SAMD3: variants seen among roughly 807,000 people sequenced by gnomAD.
The protein encoded by SAMD3 is sterile alpha motif domain-containing protein 3.
A neutral mutation model predicts 58.5 loss-of-function variants in SAMD3; 63 were observed. The ratio of observed to expected loss-of-function variants is 1.08; its 90% CI spans 0.88 to 1.33. The LOEUF (loss-of-function observed/expected upper bound fraction) is 1.33. Ranked by LOEUF, SAMD3 falls within the 40% of genes most tolerant of loss-of-function variation. The pLI, the probability that SAMD3 is intolerant of heterozygous loss-of-function variation, is 0.00. For synonymous variants in SAMD3, 220 were observed against 210.3 expected, an observed-to-expected ratio of 1.05 and a Z score of -0.40; for missense variants, 604 against 608.4, an observed-to-expected ratio of 0.99 and a Z score of 0.08.
At chr6:130,352,829 A>G (rs1469161507) in intron 1 of SAMD3, among the ~76,000 whole-genome samples, 1 of 152,214 alleles carries the variant, frequency 6.6e-6, no homozygotes, top group African/African-American at 2.4e-5. Flanking sequence ...AAATTCTCAG[A>G]GCTCTTATAT....
chr6:130,243,433 A>C (rs1467421562), intron 2 of SAMD3, among the ~76,000 whole-genome samples: 1 of 152,160 alleles, frequency 6.6e-6, no homozygotes, highest in Non-Finnish European at 1.5e-5. Context: ...TACAAGACAG[A>C]GGGGAAGAGA....
chr6:130,234,937 A>G (rs1424195548), intron 2 of SAMD3, among the ~76,000 whole-genome samples: 1 of 152,058 alleles, frequency 6.6e-6, no homozygotes, highest in Non-Finnish European at 1.5e-5. Flanking sequence ...ACATAGGGAG[A>G]CCCTGTTTCT....
At chr6:130,359,569 T>C (rs983201736) in intron 1 of SAMD3, among the ~76,000 whole-genome samples, 1 of 152,236 alleles carries the variant, frequency 6.6e-6, no homozygotes. Context: ...CTGATGATCC[T>C]TATTTTATAT....
intron 5 of SAMD3, among the ~76,000 whole-genome samples, chr6:130,208,326 C>T (rs1220436967): frequency 6.6e-6 from 1 of 152,172 alleles, no homozygotes; most frequent in Non-Finnish European, 1.5e-5. Context: ...GTTATGGATG[C>T]ACGGATTGCC....
intron 9 of SAMD3, among the ~76,000 whole-genome samples, chr6:130,148,382 A>G (rs1015295998): frequency 6.6e-5 from 10 of 152,254 alleles, no homozygotes; most frequent in African/African-American, 1.9e-4. Context: ...CGCTTCAAAC[A>G]GACTGCCGTG....
chr6:130,332,404 T>A (rs919224598), intron 1 of SAMD3, among the ~76,000 whole-genome samples: 14 of 151,904 alleles, frequency 9.2e-5, no homozygotes, highest in African/African-American at 3.1e-4. Flanking sequence ...AAGGGAGGGG[T>A]TAGAGGTAAA....
At chr6:130,189,894 G>A (rs1028173569) in intron 5 of SAMD3, among the ~76,000 whole-genome samples, 1 of 152,220 alleles carries the variant, frequency 6.6e-6, no homozygotes, top group African/African-American at 2.4e-5. Context: ...CTTTGATGAG[G>A]TTCCCTTTTC....
At chr6:130,201,319 T>G (rs2326953) in intron 5 of SAMD3, among the ~76,000 whole-genome samples, 1 of 152,118 alleles carries the variant, frequency 6.6e-6, no homozygotes, top group African/African-American at 2.4e-5. Context: ...TTATAATTAC[T>G]TGTGGAACCT....
intron 2 of SAMD3, among the ~76,000 whole-genome samples, chr6:130,271,069 G>A (rs999891644): frequency 6.6e-6 from 1 of 151,474 alleles, no homozygotes; most frequent in African/African-American, 2.4e-5. Flanking sequence ...GCGCCATCTT[G>A]GTTCACTGCA....
At chr6:130,219,201 G>T (rs1339893540) in intron 1 of SAMD3, among the ~76,000 whole-genome samples, 1 of 151,992 alleles carries the variant, frequency 6.6e-6, no homozygotes, top group African/African-American at 2.4e-5. Context: ...CATACATCAC[G>T]GTCTGAAAGG....
intron 5 of SAMD3, among the ~76,000 whole-genome samples, chr6:130,202,685 C>T (rs1163116448): frequency 6.6e-6 from 1 of 152,198 alleles, no homozygotes; most frequent in African/African-American, 2.4e-5. Context: ...TAAGACTCCT[C>T]AAAGCCTACA....
intron 1 of SAMD3, among the ~76,000 whole-genome samples, chr6:130,338,321 G>C (rs1777163382): frequency 2.0e-5 from 3 of 152,236 alleles, no homozygotes; most frequent in Admixed American, 2.0e-4. Flanking sequence ...GAAATGTCTG[G>C]ATGTACAGGC....
At position 130,180,208 on chromosome 6, in the gene SAMD3, C is replaced by T. The variant is rs530184748; in HGVS notation, c.654+3895G>A. ...CAATCATAGCTCACTGCTGTCTCAA[C>T]CTCCTGGGCTCTAGTGGTCCTCCCA... On this transcript the variant is annotated intron_variant, in intron 7 of 11. Coordinates refer to ENST00000439090, the MANE Select transcript of SAMD3 (RefSeq NM_001017373.4). 1.5e-4 allele frequency among the ~76,000 whole-genome samples: 22 copies of T among 151,612 alleles called. No homozygotes were observed. In the East Asian group the frequency reaches 3.9e-3, roughly 27 times the overall value.
intron 1 of SAMD3, among the ~76,000 whole-genome samples, chr6:130,355,347 C>A (rs975245166): frequency 6.6e-6 from 1 of 152,144 alleles, no homozygotes; most frequent in Non-Finnish European, 1.5e-5. Context: ...TCATTTGAAC[C>A]TCTGAGGCGG....
intron 2 of SAMD3, among the ~76,000 whole-genome samples, chr6:130,294,626 ATTTT>A (rs3029966): frequency 6.8e-6 from 1 of 146,128 alleles, no homozygotes; most frequent in Non-Finnish European, 1.5e-5. Context: ...GCAAGGATTA[ATTTT>A]TTTTTTTTTT....
At chr6:130,328,310 A>G (rs72992430) in intron 1 of SAMD3, among the ~76,000 whole-genome samples, 3,048 of 152,304 alleles carry the variant, frequency 0.02, 54 homozygotes, top group Non-Finnish European at 0.032. Flanking sequence ...ACAACAGCTC[A>G]GTACTTGCCA....
chr6:130,316,153 T>C (rs1366657116), intron 1 of SAMD3, among the ~76,000 whole-genome samples: 1 of 151,422 alleles, frequency 6.6e-6, no homozygotes, highest in Non-Finnish European at 1.5e-5. Context: ...TAGCCAGGTG[T>C]GGTGGCAGTC....
chr6:130,179,765 G>C (rs72994934), intron 7 of SAMD3, among the ~76,000 whole-genome samples: 3,029 of 151,532 alleles, frequency 0.02, 44 homozygotes, highest in Non-Finnish European at 0.031. Flanking sequence ...TAATTTTCTT[G>C]GGTATAAGAA....
At chr6:130,224,455 A>T (rs1582973073), upstream of SAMD3, among the ~76,000 whole-genome samples, 2 of 151,980 alleles carry the variant, frequency 1.3e-5, no homozygotes, top group East Asian at 3.9e-4. Flanking sequence ...CACAGATGGG[A>T]GGTGTGGAGA....
Sources: allele counts gnomAD v4.1 joint callset (sites outside exome capture counted in the v4.1 genomes callset), GRCh38; gene constraint gnomAD v4.1.1; transcripts MANE v1.5; gene names NCBI Gene and HGNC (gene_info 2026-07-23, HGNC 2026-07-21).